The following CMYA5 variants were observed in gnomAD, a reference collection of about 807,000 sequenced individuals.
CMYA5 encodes cardiomyopathy associated 5, also known as cardiomyopathy-associated protein 5.
CMYA5 carries 246 observed loss-of-function variants against 318.9 expected under a neutral mutation model. The observed-to-expected ratio is 0.77, with a 90% CI of 0.70 to 0.86. The LOEUF (loss-of-function observed/expected upper bound fraction) is 0.86. Among genes scored for constraint, CMYA5 ranks in the 40% least tolerant of loss-of-function variants. The probability of loss-of-function intolerance (pLI) is 0.00; values close to 1 mark genes in which losing one functional copy is unlikely to be tolerated. For missense variants in CMYA5, 4,589 were observed against 4,678.2 expected (o/e 0.98, Z 0.56); for synonymous variants, 1,641 against 1,729.5 (o/e 0.95, Z 1.27).
At chr5:79,699,873 C>T (rs2151075316) in intron 1 of CMYA5, among the ~76,000 whole-genome samples, 2 of 152,306 alleles carry the variant, frequency 1.3e-5, no homozygotes, top group Middle Eastern at 6.8e-3. Context: ...AGTTAGGACC[C>T]CTAGTGCATT....
At chr5:79,764,650 A>C (rs1828715951) in intron 9 of CMYA5, among the ~76,000 whole-genome samples, 1 of 152,176 alleles carries the variant, frequency 6.6e-6, no homozygotes, top group African/African-American at 2.4e-5. Flanking sequence ...CCTCTCCAGC[A>C]TCTGTTGTTT....
chr5:79,712,932 C>T (rs1278606669), intron 1 of CMYA5, among the ~76,000 whole-genome samples: 4 of 152,190 alleles, frequency 2.6e-5, no homozygotes, highest in African/African-American at 9.6e-5. Flanking sequence ...ACTCAACATT[C>T]ATGGGAATTT....
chr5:79,760,062 A>C (rs1828618473), intron 7 of CMYA5, among the ~76,000 whole-genome samples: 1 of 152,130 alleles, frequency 6.6e-6, no homozygotes. Flanking sequence ...CAGGCTCCAA[A>C]GTTTATTCTT....
At chr5:79,724,585 G>A (rs1353734117) in intron 1 of CMYA5, among the ~76,000 whole-genome samples, 1 of 152,204 alleles carries the variant, frequency 6.6e-6, no homozygotes, top group African/African-American at 2.4e-5. Context: ...ATAAATCTAT[G>A]TGGGATGTTA....
At position 79,735,285 on chromosome 5, in the gene CMYA5, G is replaced by A. The variant is rs766486563; in HGVS notation, c.6520G>A (p.Gly2174Arg). The change falls in exon 2 of 13, where the codon GGA becomes AGA. Residue 2174 changes from glycine (G) to arginine (R), a missense_variant. Coordinates refer to ENST00000446378, the MANE Select transcript of CMYA5 (RefSeq NM_153610.5). ...CCTTCCTGAGGAAAAGGGAAAGAAA[G>A]GAATTTCATCTTTCAAATCGTGGAT... ...PDLPEEKGKKGISSFKSWMSS... is the reference protein window; with the variant it reads ...PDLPEEKGKKRISSFKSWMSS... The A allele has an allele frequency of 2.5e-6, 4 of 1,613,828 alleles. No homozygotes were observed. Among genetic ancestry groups the A allele is most frequent in the African/African-American group, 1.3e-5 (1 of 75,044 alleles).
At position 79,738,960 on chromosome 5, in the gene CMYA5, C is replaced by T; in HGVS notation, c.10195C>T (p.Pro3399Ser). The stretch of plus-strand genomic sequence containing the variant: ...TGTTCAAGAAACATCACTAGAAGAA[C>T]CTAAAATCCTGGTCCCACCTGAGCC... ...THVQETSLEE[P>S]KILVPPEPSE... The change falls in exon 2 of 13, where the codon CCT becomes TCT. Residue 3399 changes from proline (P) to serine (S), a missense_variant. Physicochemically the swap from Pro to Ser is moderately conservative, Grantham distance 74. Transcript: ENST00000446378. The T allele has an allele frequency of 3.1e-6, 5 of 1,613,872 alleles. No individual in the cohort carries two copies. Among genetic ancestry groups the T allele is most frequent in the Non-Finnish European group, 4.2e-6 (5 of 1,179,832 alleles).
chr5:79,712,731 A>T (rs1382062814), intron 1 of CMYA5, among the ~76,000 whole-genome samples: 1 of 152,186 alleles, frequency 6.6e-6, no homozygotes, highest in Non-Finnish European at 1.5e-5. Context: ...AAATCTGATC[A>T]GATTTCTTCT....
Position 79,738,804 on chromosome 5 carries a change from C to T in CMYA5, c.10039C>T (p.His3347Tyr). 1.2e-6 allele frequency: 2 copies of T among 1,613,896 alleles called. No individual in the cohort carries two copies. The highest frequency in any genetic ancestry group is 1.7e-6 in the Non-Finnish European group (2 of 1,179,850). Residue 3347 changes from histidine (H) to tyrosine (Y), a missense_variant, in exon 2 of 13, where the codon CAT becomes TAT. Coordinates refer to ENST00000446378, the MANE Select transcript of CMYA5 (RefSeq NM_153610.5). ...SYAVPFEDTH[H>Y]VLERADEAGS... Reference sequence around the variant, plus strand: ...TGCGGTTCCATTTGAAGACACCCATCATGTTCTGGAGCGTGCAGATGAAGC... The same window carrying T: ...TGCGGTTCCATTTGAAGACACCCATTATGTTCTGGAGCGTGCAGATGAAGC...
At chr5:79,790,181 G>A (rs1163537889) in intron 10 of CMYA5, among the ~76,000 whole-genome samples, 1 of 152,188 alleles carries the variant, frequency 6.6e-6, no homozygotes, top group Non-Finnish European at 1.5e-5. Context: ...TGCGAGGGCT[G>A]TCTTCCCAGC....
rs1205027068 is a variant in CMYA5, at chr5:79,730,192, C to A, written c.1427C>A (p.Thr476Asn). The part of the protein sequence containing the change: ...AEPVSAKLTP[T>N]HPSVKGEKEE... ...CCAGTCTCCGCAAAACTGACCCCTA[C>A]CCATCCCAGTGTCAAAGGAGAGAAG... Residue 476 changes from threonine to asparagine, a missense_variant, in exon 2 of 13, where the codon ACC (threonine) becomes AAC (asparagine). Thr to Asn is a moderately conservative substitution (Grantham distance 65). This residue lies in a region of CMYA5 where 2,132 missense variants were observed against 2,131.3 expected (regional missense o/e 1.00). Coordinates refer to ENST00000446378, the MANE Select transcript of CMYA5 (RefSeq NM_153610.5). 1 of 1,613,966 alleles carries A rather than the reference C, an allele frequency of 6.2e-7. No homozygotes were observed. Among genetic ancestry groups the A allele is most frequent in the South Asian group, 1.1e-5 (1 of 91,078 alleles).
At chr5:79,758,975 C>A in intron 7 of CMYA5, 73 bp downstream of exon 7, 4 of 1,237,970 alleles carry the variant, frequency 3.2e-6, no homozygotes, top group Non-Finnish European at 4.4e-6. Context: ...TAAATATACA[C>A]CTGTATTATG....
chr5:79,791,355 GA>G (rs900369577), intron 11 of CMYA5, among the ~76,000 whole-genome samples: 3 of 151,556 alleles, frequency 2.0e-5, no homozygotes, highest in South Asian at 2.1e-4. Context: ...TTCAGTGGGG[GA>G]AAAAAAGGGT....
Position 79,799,503 on chromosome 5 carries a change from A to C in CMYA5, c.12097A>C (p.Ile4033Leu), listed in dbSNP as rs372114177. The change falls in exon 13 of 13, where the codon ATC becomes CTC. Residue 4033 changes from isoleucine (I) to leucine (L), a missense_variant. Ile to Leu is a conservative substitution (Grantham distance 5). Around this residue, in one of 3 missense-constraint regions of CMYA5, gnomAD observed 2,431 missense variants for 2,495.1 expected, o/e 0.97. Transcript: ENST00000446378. The part of the protein sequence containing the change: ...INAESEQLLF[I>L]IRHRFNEGVH... ...CGCAGAGAGCGAGCAGTTGCTCTTCATCATCAGGCACAGGTTTAATGAGGG... is the reference window on the plus strand; with the variant it reads ...CGCAGAGAGCGAGCAGTTGCTCTTCCTCATCAGGCACAGGTTTAATGAGGG... 6.2e-7 allele frequency: 1 copy of C among 1,613,926 alleles called. No individual in the cohort carries two copies. Among genetic ancestry groups the C allele is most frequent in the African/African-American group, 1.3e-5 (1 of 74,936 alleles).
In CMYA5 at chr5:79,730,222, A is replaced by G. The variant is rs1434201425; in HGVS notation, c.1457A>G (p.Glu486Gly). The G allele has an allele frequency of 6.2e-7, 1 of 1,613,984 alleles. No individual in the cohort carries two copies. Residue 486 changes from glutamate (E) to glycine (G), a missense_variant, in exon 2 of 13, where the codon GAA (glutamate) becomes GGA (glycine). By Grantham distance (98) the Glu-to-Gly change is moderately conservative (BLOSUM62 -2). Around this residue, in one of 3 missense-constraint regions of CMYA5, gnomAD observed 2,132 missense variants for 2,131.3 expected, o/e 1.00. Transcript: ENST00000446378. ...CCCAGTGTCAAAGGAGAGAAGGAGG[A>G]AAACATGCTTGAGCCATCCATTTCT... is the stretch of plus-strand genomic sequence containing the variant. ...THPSVKGEKE[E>G]NMLEPSISLS...
chr5:79,690,077 CGGCCCAGGGCCTGCAGGGCAGCTA>C, intron 1 of CMYA5, 21 bp downstream of exon 1: 9 of 1,413,984 alleles, frequency 6.4e-6, no homozygotes, highest in Non-Finnish European at 7.4e-6. Context: ...CCTCTCTCCT[CGGCCCAGGGCCTGCAGGGCAGCTA>C]GCAGCACCCT....
Position 79,738,729 on chromosome 5 carries a change from A to G in CMYA5, c.9964A>G (p.Lys3322Glu). ...CGTTGGTAACGTAGCGATGCAGAAG[A>G]AAGCTCCCATCACAGAGGACGTCAG... ...ETVGNVAMQKKAPITEDVRVA... is the reference protein window; with the variant it reads ...ETVGNVAMQKEAPITEDVRVA... Residue 3322 changes from lysine (K) to glutamate (E), a missense_variant, in exon 2 of 13, where the codon AAA becomes GAA. Transcript: ENST00000446378. 2.5e-6 allele frequency: 4 copies of G among 1,613,972 alleles called. No homozygotes were observed. The highest frequency in any genetic ancestry group is 3.4e-6 in the Non-Finnish European group (4 of 1,179,876).
Position 79,734,659 on chromosome 5 carries a change from T to C in CMYA5, c.5894T>C (p.Leu1965Pro). 1 of 1,613,686 alleles carries C rather than the reference T, an allele frequency of 6.2e-7. No individual in the cohort carries two copies. Among genetic ancestry groups the C allele is most frequent in the South Asian group, 1.1e-5 (1 of 91,086 alleles). ...TCATCACAAGAAGCAGTATCTGCTC[T>C]TGATACTTCCAGTGGTAATACAGAG... ...HLSSQEAVSA[L>P]DTSSGNTETL... Residue 1965 changes from leucine to proline, a missense_variant, in exon 2 of 13, where the codon CTT becomes CCT. By Grantham distance (98) the Leu-to-Pro change is moderately conservative. Transcript: ENST00000446378.
chr5:79,726,293 A>C (rs1827747673), intron 1 of CMYA5, among the ~76,000 whole-genome samples: 1 of 152,208 alleles, frequency 6.6e-6, no homozygotes, highest in Non-Finnish European at 1.5e-5. Context: ...ATGGGCATTC[A>C]AAATGCTGAC....
chr5:79,728,617 C>T (rs1004034005), intron 1 of CMYA5, among the ~76,000 whole-genome samples: 4 of 151,892 alleles, frequency 2.6e-5, no homozygotes, highest in Non-Finnish European at 4.4e-5. Context: ...TGCTGAGTCC[C>T]GACAAGATCA....
Sources: gnomAD v4.1 joint callset for allele counts (sites outside exome capture counted in the v4.1 genomes callset) on GRCh38, gnomAD v4.1.1 for gene constraint, gnomAD v4.1.1 regional missense constraint, MANE v1.5 for transcripts, NCBI Gene and HGNC (gene_info 2026-07-23, HGNC 2026-07-21) for gene names.